The following FSTL5 variants were observed in gnomAD, a reference collection of about 807,000 sequenced individuals.
The protein encoded by FSTL5 is follistatin like 5.
A neutral mutation model predicts 89.1 loss-of-function variants in FSTL5; 62 were observed. The observed-to-expected ratio is 0.70, with a 90% CI of 0.57 to 0.86. The LOEUF is 0.86. FSTL5 is among the 40% of genes least tolerant of loss of function. The pLI is 0.00. For missense variants in FSTL5, 1,057 were observed against 1,001.6 expected, an observed-to-expected ratio of 1.06 and a Z score of -0.75; for synonymous variants, 383 against 346.2, an observed-to-expected ratio of 1.11 and a Z score of -1.18.
intron 6 of FSTL5, among the ~76,000 whole-genome samples, chr4:161,741,090 T>G (rs1164871627): frequency 6.6e-6 from 1 of 152,154 alleles, no homozygotes; most frequent in African/African-American, 2.4e-5. Context: ...ATAATCAAGT[T>G]TCAACATATG....
At chr4:161,795,163 T>C (rs1729597085) in intron 4 of FSTL5, among the ~76,000 whole-genome samples, 1 of 152,082 alleles carries the variant, frequency 6.6e-6, no homozygotes, top group Non-Finnish European at 1.5e-5. Context: ...ATTATTACTA[T>C]GGTGGCAGAT....
At chr4:161,997,426 CG>C (rs987193571) in intron 3 of FSTL5, among the ~76,000 whole-genome samples, 9 of 152,096 alleles carry the variant, frequency 5.9e-5, no homozygotes, top group African/African-American at 2.2e-4. Flanking sequence ...TTACACATAA[CG>C]GTTGACTATC....
intron 2 of FSTL5, among the ~76,000 whole-genome samples, chr4:162,073,712 A>G (rs1331576153): frequency 1.3e-5 from 2 of 151,792 alleles, no homozygotes; most frequent in Admixed American, 6.6e-5. Flanking sequence ...AGGGAAATTA[A>G]TAGTTCTAAA....
intron 2 of FSTL5, among the ~76,000 whole-genome samples, chr4:162,056,455 A>G (rs1226605843): frequency 6.6e-6 from 1 of 151,254 alleles, no homozygotes. Context: ...TGTACACTTG[A>G]AAAAATGTAT....
intron 6 of FSTL5, among the ~76,000 whole-genome samples, chr4:161,695,754 G>C (rs1738136491): frequency 6.6e-6 from 1 of 151,910 alleles, no homozygotes; most frequent in Non-Finnish European, 1.5e-5. Flanking sequence ...TTGGCCATTT[G>C]CAGGTCTTCT....
intron 1 of FSTL5, among the ~76,000 whole-genome samples, chr4:162,123,405 C>T (rs942270355): frequency 5.3e-5 from 8 of 152,046 alleles, no homozygotes; most frequent in African/African-American, 1.4e-4. Context: ...CCAGAGAGAT[C>T]CCAGAAAGAG....
At chr4:161,731,090 T>C (rs1180118119) in intron 6 of FSTL5, among the ~76,000 whole-genome samples, 1 of 152,194 alleles carries the variant, frequency 6.6e-6, no homozygotes, top group African/African-American at 2.4e-5. Context: ...TTAATCAATA[T>C]ATCTATTTTG....
In FSTL5 at chr4:161,587,911, C is replaced by G. The variant is rs558986134; in HGVS notation, c.895-336G>C. 8.5e-4 allele frequency among the ~76,000 whole-genome samples: 130 copies of G among 152,280 alleles called. 1 individual carries two copies. The highest frequency in any genetic ancestry group is 3.3e-3 in the Admixed American group (51 of 15,292). ...AGAACAGGCCAGGCACGGTGGCTCA[C>G]ACCTGTAATCCCAGCACTTTGAGAG... is the stretch of plus-strand genomic sequence containing the variant. On this transcript the variant is annotated intron_variant, in intron 7 of 15. Coordinates refer to ENST00000306100, the MANE Select transcript of FSTL5 (RefSeq NM_020116.5).
chr4:161,729,557 G>A (rs1266239768), intron 6 of FSTL5, among the ~76,000 whole-genome samples: 1 of 152,054 alleles, frequency 6.6e-6, no homozygotes, highest in Non-Finnish European at 1.5e-5. Context: ...TATGATTTTT[G>A]TCTCCTTTTT....
At chr4:161,736,148 C>A (rs1248369677) in intron 6 of FSTL5, among the ~76,000 whole-genome samples, 1 of 152,024 alleles carries the variant, frequency 6.6e-6, no homozygotes, top group Non-Finnish European at 1.5e-5. Flanking sequence ...AAAATTGAAT[C>A]CTATCCCAAC....
intron 15 of FSTL5, among the ~76,000 whole-genome samples, chr4:161,405,505 A>T (rs1731344039): frequency 6.6e-6 from 1 of 152,158 alleles, no homozygotes; most frequent in African/African-American, 2.4e-5. Context: ...AAATGAAATT[A>T]CTCTGAAGAC....
At chr4:161,830,424 A>C (rs1730808496) in intron 4 of FSTL5, among the ~76,000 whole-genome samples, 1 of 152,054 alleles carries the variant, frequency 6.6e-6, no homozygotes, top group African/African-American at 2.4e-5. Context: ...TAAGTTGATC[A>C]AACTTGCATT....
intron 8 of FSTL5, among the ~76,000 whole-genome samples, chr4:161,566,127 TATATATATAC>T (rs1350156521): frequency 2.2e-3 from 169 of 76,868 alleles, no homozygotes; most frequent in African/African-American, 6.6e-3. Flanking sequence ...TATATATATA[TATATATATAC>T]ACACACACAC....
chr4:161,652,104 T>A (rs1271125651), intron 7 of FSTL5, among the ~76,000 whole-genome samples: 1 of 152,132 alleles, frequency 6.6e-6, no homozygotes, highest in Non-Finnish European at 1.5e-5. Flanking sequence ...TACCACTTAG[T>A]TCAGTGACCT....
At chr4:162,093,931 G>C (rs979296396) in intron 2 of FSTL5, among the ~76,000 whole-genome samples, 1 of 152,020 alleles carries the variant, frequency 6.6e-6, no homozygotes, top group Non-Finnish European at 1.5e-5. Context: ...TCTGTGTCTT[G>C]TTCAAAATTT....
At chr4:161,976,950 C>A (rs575539032) in intron 3 of FSTL5, among the ~76,000 whole-genome samples, 2 of 152,136 alleles carry the variant, frequency 1.3e-5, no homozygotes, top group Non-Finnish European at 2.9e-5. Flanking sequence ...TGGAACTGCA[C>A]GGCATCTTTT....
rs1560869083 is a variant in FSTL5, at chr4:161,386,098, A to G, written c.2193T>C (p.Phe731=). 1 of 1,614,064 alleles carries G rather than the reference A, an allele frequency of 6.2e-7. No homozygotes were observed. Among genetic ancestry groups the G allele is most frequent in the East Asian group, 2.2e-5 (1 of 44,848 alleles). ...ITIRGEIQEA[F]DIYTNLHISD... ...ATATGTGCAGATTTGTGTAAATATC[A>G]AAAGCCTCCTGTATTTCTCCTCTGA... The change falls in exon 16 of 16, where the codon TTT becomes TTC. Residue 731 remains phenylalanine, a synonymous_variant. Transcript: ENST00000306100.
At chr4:161,831,496 C>A (rs761165555) in intron 4 of FSTL5, among the ~76,000 whole-genome samples, 7 of 151,190 alleles carry the variant, frequency 4.6e-5, no homozygotes, top group Non-Finnish European at 8.9e-5. Flanking sequence ...TTTTAAATAT[C>A]CAAGGTTACT....
intron 6 of FSTL5, among the ~76,000 whole-genome samples, chr4:161,678,178 T>C (rs1737376789): frequency 6.6e-6 from 1 of 151,778 alleles, no homozygotes; most frequent in South Asian, 2.1e-4. Context: ...ATACTTACTA[T>C]ATAATATGTA....
Sources: allele counts gnomAD v4.1 joint callset (sites outside exome capture counted in the v4.1 genomes callset), GRCh38; gene constraint gnomAD v4.1.1; transcripts MANE v1.5; gene names NCBI Gene and HGNC (gene_info 2026-07-23, HGNC 2026-07-21).